CHCHD3: variants seen among roughly 807,000 people sequenced by gnomAD.
CHCHD3 encodes MICOS complex subunit MIC19.
In CHCHD3, 20 loss-of-function variants were observed where a neutral mutation model predicts 38.2. That is an observed-to-expected ratio of 0.52 (90% CI 0.37 to 0.76). The LOEUF (loss-of-function observed/expected upper bound fraction) is 0.76. Ranked by LOEUF, CHCHD3 falls within the 30% of genes least tolerant of loss-of-function variation. The pLI, the probability that CHCHD3 is intolerant of heterozygous loss-of-function variation, is 0.00. For synonymous variants in CHCHD3, 82 were observed against 100.0 expected, an observed-to-expected ratio of 0.82 and a Z score of 1.07; for missense variants, 245 against 279.2, an observed-to-expected ratio of 0.88 and a Z score of 0.87.
intron 5 of CHCHD3, among the ~76,000 whole-genome samples, chr7:132,858,053 T>C (rs1808387446): frequency 6.6e-6 from 1 of 152,144 alleles, no homozygotes; most frequent in Non-Finnish European, 1.5e-5. Context: ...CGATTCTTTT[T>C]CAATTCTTTC....
intron 4 of CHCHD3, among the ~76,000 whole-genome samples, chr7:132,935,009 G>C (rs1011565058): frequency 1.3e-5 from 2 of 152,160 alleles, no homozygotes; most frequent in African/African-American, 4.8e-5. Context: ...TATAAAAAAA[G>C]GGAGGAAGCC....
chr7:133,042,123 C>T (rs1584666672), intron 2 of CHCHD3, among the ~76,000 whole-genome samples: 1 of 152,166 alleles, frequency 6.6e-6, no homozygotes, highest in African/African-American at 2.4e-5. Flanking sequence ...TCCAAGGGCC[C>T]TTTTTTTCCA....
intron 6 of CHCHD3, among the ~76,000 whole-genome samples, chr7:132,816,549 T>C (rs1807204483): frequency 6.6e-6 from 1 of 152,216 alleles, no homozygotes; most frequent in Non-Finnish European, 1.5e-5. Context: ...AAGTCCTTAA[T>C]GACACCATCT....
intron 4 of CHCHD3, among the ~76,000 whole-genome samples, chr7:132,899,062 G>A (rs1304536575): frequency 6.6e-6 from 1 of 152,248 alleles, no homozygotes; most frequent in Non-Finnish European, 1.5e-5. Context: ...CCACAGTGCA[G>A]CGGTGGGCTG....
At chr7:132,936,078 A>C (rs564649364) in intron 4 of CHCHD3, among the ~76,000 whole-genome samples, 1 of 152,304 alleles carries the variant, frequency 6.6e-6, no homozygotes, top group South Asian at 2.1e-4. Context: ...TTTTGATGTG[A>C]GTTTTAGAAG....
At chr7:132,855,523 T>G (rs1452857596) in intron 5 of CHCHD3, among the ~76,000 whole-genome samples, 1 of 152,196 alleles carries the variant, frequency 6.6e-6, no homozygotes, top group Non-Finnish European at 1.5e-5. Flanking sequence ...TCAATCTATT[T>G]CAAAGATGTG....
intron 3 of CHCHD3, among the ~76,000 whole-genome samples, chr7:133,003,178 T>G (rs1217581966): frequency 6.6e-6 from 1 of 152,182 alleles, no homozygotes; most frequent in Non-Finnish European, 1.5e-5. Flanking sequence ...CAGATAAATG[T>G]TTCAGAGACA....
At chr7:132,869,212 C>T (rs1300563418) in intron 5 of CHCHD3, among the ~76,000 whole-genome samples, 2 of 152,172 alleles carry the variant, frequency 1.3e-5, no homozygotes, top group East Asian at 3.9e-4. Context: ...CACACCCTGG[C>T]TACTTCCTTA....
intron 1 of CHCHD3, among the ~76,000 whole-genome samples, chr7:133,077,066 G>A (rs1815011700): frequency 6.6e-6 from 1 of 151,446 alleles, no homozygotes; most frequent in South Asian, 2.1e-4. Flanking sequence ...AGTTAGTTAA[G>A]AGAAAGGGGG....
intron 2 of CHCHD3, among the ~76,000 whole-genome samples, chr7:133,049,327 T>C (rs1427450982): frequency 6.6e-6 from 1 of 152,226 alleles, no homozygotes; most frequent in African/African-American, 2.4e-5. Context: ...TTCTTTTGAA[T>C]CAATTATCCA....
intron 3 of CHCHD3, among the ~76,000 whole-genome samples, chr7:133,020,049 G>A (rs1237304605): frequency 1.3e-5 from 2 of 151,890 alleles, no homozygotes; most frequent in African/African-American, 4.8e-5. Flanking sequence ...CAACTATTCT[G>A]TCTACTAGAT....
chr7:132,880,044 T>A (rs1230632688), intron 5 of CHCHD3, among the ~76,000 whole-genome samples: 1 of 152,150 alleles, frequency 6.6e-6, no homozygotes, highest in African/African-American at 2.4e-5. Context: ...ACTTTTAGGT[T>A]ATGAGGTAGC....
chr7:133,060,242 G>A (rs557253902), intron 2 of CHCHD3, among the ~76,000 whole-genome samples: 2 of 152,246 alleles, frequency 1.3e-5, no homozygotes, highest in African/African-American at 2.4e-5. Context: ...GTTCTATAAC[G>A]GCCTTGGCAA....
At chr7:132,821,589 T>C (rs4731900) in intron 6 of CHCHD3, among the ~76,000 whole-genome samples, 102,560 of 151,824 alleles carry the variant, frequency 0.68, 35,344 homozygotes, top group East Asian at 0.79. Context: ...ACAGCAAAAC[T>C]TGTAGTATAT....
At chr7:132,973,239 C>T (rs1186310261) in intron 4 of CHCHD3, 9 of 985,222 alleles carry the variant, frequency 9.1e-6, no homozygotes, top group Non-Finnish European at 1.1e-5. Flanking sequence ...GAAATGCCAA[C>T]CAAGGTATTC....
At chr7:133,046,977 A>G (rs1234472463) in intron 2 of CHCHD3, among the ~76,000 whole-genome samples, 1 of 152,214 alleles carries the variant, frequency 6.6e-6, no homozygotes, top group Non-Finnish European at 1.5e-5. Context: ...ACAGGTTTGG[A>G]GTGAAGACCC....
intron 5 of CHCHD3, among the ~76,000 whole-genome samples, chr7:132,879,755 T>G (rs1809004451): frequency 1.4e-5 from 2 of 146,066 alleles, no homozygotes; most frequent in South Asian, 4.4e-4. Flanking sequence ...AAGGTTTGCT[T>G]TCTTTCCAGA....
At chr7:132,972,107 C>G (rs997567131) in intron 4 of CHCHD3, among the ~76,000 whole-genome samples, 1 of 152,120 alleles carries the variant, frequency 6.6e-6, no homozygotes, top group Non-Finnish European at 1.5e-5. Flanking sequence ...CTTTATACCT[C>G]TAAACATTAA....
At chr7:132,787,939 T>C (rs1364331449) in intron 7 of CHCHD3, among the ~76,000 whole-genome samples, 2 of 152,140 alleles carry the variant, frequency 1.3e-5, no homozygotes, top group African/African-American at 4.8e-5. Flanking sequence ...CAGTGGAAGA[T>C]TGCTCAGCAG....
Sources: gnomAD v4.1 joint callset for allele counts (sites outside exome capture counted in the v4.1 genomes callset) on GRCh38, gnomAD v4.1.1 for gene constraint, MANE v1.5 for transcripts, NCBI Gene and HGNC (gene_info 2026-07-23, HGNC 2026-07-21) for gene names.